COL6A5: variants seen among roughly 807,000 people sequenced by gnomAD.
COL6A5 encodes collagen type VI alpha 5 chain.
Under a neutral mutation model 65.6 loss-of-function variants are expected in COL6A5, and 48 were observed. That is an observed-to-expected ratio of 0.73 (90% confidence interval 0.58 to 0.93). The LOEUF (loss-of-function observed/expected upper bound fraction) is 0.93. Among genes scored for constraint, COL6A5 ranks in the 40% least tolerant of loss-of-function variants. The pLI, the probability that COL6A5 is intolerant of heterozygous loss-of-function variation, is 0.00. For missense variants in COL6A5, 914 were observed against 928.3 expected (o/e 0.98, Z 0.20); for synonymous variants, 291 against 322.8 (o/e 0.90, Z 1.05).
At chr3:130,432,989 G>A (rs1566135) in intron 1 of COL6A5, among the ~76,000 whole-genome samples, 83,196 of 151,894 alleles carry the variant, frequency 0.55, 26,020 homozygotes, top group Non-Finnish European at 0.71. Context: ...GCTGTGTAAA[G>A]CCATCATGTC....
chr3:130,412,789 C>T (rs1333819939), intron 20 of COL6A5, among the ~76,000 whole-genome samples: 1 of 152,134 alleles, frequency 6.6e-6, no homozygotes, highest in Non-Finnish European at 1.5e-5. Context: ...CCTGGTGGAG[C>T]TGATACTTGA....
At chr3:130,439,407 A>G in intron 1 of COL6A5, 115 bp from the exon 34 acceptor site, 1 of 652,480 alleles carries the variant, frequency 1.5e-6, no homozygotes, top group Non-Finnish European at 2.7e-6. Context: ...GCAAAGAGCT[A>G]TAATGCAAGG....
intron 7 of COL6A5, among the ~76,000 whole-genome samples, chr3:130,479,612 A>C (rs1710188468): frequency 6.6e-6 from 1 of 152,126 alleles, no homozygotes; most frequent in Non-Finnish European, 1.5e-5. Flanking sequence ...GCATGTGTGG[A>C]TTGGCTTTTA....
intron 4 of COL6A5, among the ~76,000 whole-genome samples, chr3:130,444,945 C>T (rs927308380): frequency 2.0e-5 from 3 of 152,162 alleles, no homozygotes; most frequent in African/African-American, 4.8e-5. Context: ...TACAGAAATC[C>T]GAAGTATTCC....
rs572459552 is a variant in COL6A5 at position 130,357,965 on chromosome 3, G to A, written c.-29+11984G>A. Among the ~76,000 whole-genome samples the A allele has an allele frequency of 6.6e-5, 10 of 152,110 alleles. No individual in the cohort carries two copies. The South Asian group carries it at 2.1e-3, about 32-fold the overall frequency. On this transcript the variant is annotated intron_variant and NMD_transcript_variant, in intron 1 of 41. Transcript: ENST00000312481. The stretch of plus-strand genomic sequence containing the variant: ...AGCACTTTCGGAGCCTGAGGCGGGC[G>A]GATCACGAGGTCAGGTGATCGAGAC...
At chr3:130,347,733 C>T (rs1376593024) in intron 1 of COL6A5, among the ~76,000 whole-genome samples, 2 of 152,172 alleles carry the variant, frequency 1.3e-5, no homozygotes, top group Non-Finnish European at 2.9e-5. Flanking sequence ...TACTCAGAAT[C>T]CTCCAGCTCT....
chr3:130,452,431 T>C (rs570355861), intron 4 of COL6A5, among the ~76,000 whole-genome samples: 5 of 152,072 alleles, frequency 3.3e-5, no homozygotes, highest in Non-Finnish European at 4.4e-5. Flanking sequence ...AGAGAGAAAT[T>C]TTAAAGCTGG....
chr3:130,476,191 A>G (rs819090), intron 7 of COL6A5, among the ~76,000 whole-genome samples: 113,497 of 152,004 alleles, frequency 0.75, 44,444 homozygotes, highest in Non-Finnish European at 0.88. Context: ...TTCCTGGCTT[A>G]CAAATAGCTG....
Position 130,421,213 on chromosome 3 carries a change from GA to G in COL6A5, c.5001+13del. 1.3e-6 allele frequency: 2 copies of G among 1,550,334 alleles called. No homozygotes were observed. The highest frequency in any genetic ancestry group is 1.7e-6 in the Non-Finnish European group (2 of 1,145,964). ...ACGAAAAGGAGTAAAGGTAAATATG[GA>G]AATCAATTATTTTTATTCATTGATG... On this transcript the variant is annotated intron_variant and NMD_transcript_variant, in intron 26 of 41. Transcript: ENST00000312481.
intron 1 of COL6A5, among the ~76,000 whole-genome samples, chr3:130,437,813 T>C (rs893655369): frequency 6.6e-6 from 1 of 152,126 alleles, no homozygotes; most frequent in Non-Finnish European, 1.5e-5. Context: ...TGCTTAAATG[T>C]CATGTTATCA....
Position 130,452,493 on chromosome 3 carries a change from C to T in COL6A5, c.1333-2962C>T, listed in dbSNP as rs138549875. Among the ~76,000 whole-genome samples, 240 of 152,192 alleles carry T rather than the reference C, an allele frequency of 1.6e-3. 5 individuals are homozygous for T. In the East Asian group the frequency reaches 0.038, roughly 24 times the overall value. ...GTAGGTTCCGTGATGCCCCACAAGC[C>T]GCAAAACCAGCAAGTTTTTATTTGG... On this transcript the variant is annotated intron_variant, in intron 4 of 7. Coordinates refer to ENST00000512836, the Ensembl canonical transcript of COL6A5.
At position 130,391,040 on chromosome 3, in the gene COL6A5, G is replaced by T; in HGVS notation, c.2417-139G>T. ...TTTTTTTTTCTGTAAAATGGCAGCAGCCACCTCTAAGAACTAAGTGAGATA... is the reference window on the plus strand; with the variant it reads ...TTTTTTTTTCTGTAAAATGGCAGCATCCACCTCTAAGAACTAAGTGAGATA... On this transcript the variant is annotated intron_variant and NMD_transcript_variant, in intron 6 of 41. Coordinates refer to the COL6A5 transcript ENST00000312481. 3 of 665,524 alleles carry T rather than the reference G, an allele frequency of 4.5e-6. No individual in the cohort carries two copies. The South Asian group carries it at 6.1e-5, about 14-fold the overall frequency. The allele number at this position is 665,524 out of a possible 1,614,324, so 41.2% of individuals were successfully genotyped here.
exon 5 of COL6A5, chr3:130,384,921 G>C: frequency 6.4e-7 from 1 of 1,550,984 alleles, no homozygotes; most frequent in Non-Finnish European, 8.7e-7. Flanking sequence ...GAAATGTTTA[G>C]CATTGGCCCA....
intron 4 of COL6A5, among the ~76,000 whole-genome samples, chr3:130,453,024 A>T (rs1222529360): frequency 6.6e-6 from 1 of 152,156 alleles, no homozygotes; most frequent in Non-Finnish European, 1.5e-5. Context: ...TTCCCTGAAC[A>T]TTGCTGTTAT....
chr3:130,364,253 C>A lies in COL6A5; in HGVS notation c.-28-9358C>A, dbSNP rs150896500. 6.4e-3 allele frequency among the ~76,000 whole-genome samples: 980 copies of A among 152,198 alleles called. 5 individuals are homozygous for A. Among genetic ancestry groups the A allele is most frequent in the Non-Finnish European group, 0.011 (728 of 68,020 alleles). Reference sequence around the variant, plus strand: ...TGAACCAAAAATATCCTCGACCCCACATCTTAGAAATAAATGCATATGACA... The same window carrying A: ...TGAACCAAAAATATCCTCGACCCCAAATCTTAGAAATAAATGCATATGACA... On this transcript the variant is annotated intron_variant and NMD_transcript_variant, in intron 1 of 41. Coordinates refer to the COL6A5 transcript ENST00000312481.
At chr3:130,411,994 T>C (rs1937191011) in intron 20 of COL6A5, among the ~76,000 whole-genome samples, 1 of 152,184 alleles carries the variant, frequency 6.6e-6, no homozygotes, top group Admixed American at 6.5e-5. Flanking sequence ...AAGTGGATGA[T>C]AAATTTTAAA....
At chr3:130,399,403 C>T (rs1055539418) in intron 10 of COL6A5, among the ~76,000 whole-genome samples, 2 of 148,994 alleles carry the variant, frequency 1.3e-5, no homozygotes, top group African/African-American at 5.0e-5. Context: ...CAAAGTCTCG[C>T]TCTGTCACCC....
chr3:130,421,142 T>A lies in COL6A5; in HGVS notation c.4951-11T>A. On this transcript the variant is annotated splice_polypyrimidine_tract_variant and intron_variant and NMD_transcript_variant, in intron 25 of 41. Coordinates refer to the COL6A5 transcript ENST00000312481. ...TTTGAGAAATTGAAAAAAACTGGTGTGTTTACACAGGGAGATTCTGGCATC... is the reference window on the plus strand; with the variant it reads ...TTTGAGAAATTGAAAAAAACTGGTGAGTTTACACAGGGAGATTCTGGCATC... The A allele has an allele frequency of 1.3e-6, 2 of 1,550,010 alleles. No individual in the cohort carries two copies. The highest frequency in any genetic ancestry group is 1.7e-6 in the Non-Finnish European group (2 of 1,145,872).
intron 7 of COL6A5, among the ~76,000 whole-genome samples, chr3:130,472,827 G>GTATATATATATATATA (rs1348903661): frequency 2.8e-3 from 49 of 17,698 alleles, no homozygotes; most frequent in East Asian, 7.2e-3. Flanking sequence ...ATATGTGTGT[G>GTATATATATATATATA]TATACATATA....
Sources: gnomAD v4.1 joint callset for allele counts (sites outside exome capture counted in the v4.1 genomes callset) on GRCh38, gnomAD v4.1.1 for gene constraint, MANE v1.5 for transcripts, NCBI Gene and HGNC (gene_info 2026-07-23, HGNC 2026-07-21) for gene names.